The following CSTL1 variants were observed in gnomAD, a reference collection of about 807,000 sequenced individuals.
The protein encoded by CSTL1 is cystatin like 1, also known as cystatin-like 1.
Under a neutral mutation model 14.4 loss-of-function variants are expected in CSTL1, and 14 were observed. That is an observed-to-expected ratio of 0.97 (90% confidence interval 0.64 to 1.52). The LOEUF (loss-of-function observed/expected upper bound fraction) is 1.52, where lower values mean the gene tolerates loss of function less well. CSTL1 is among the 40% of genes most tolerant of loss of function. CSTL1 has a pLI of 0.00. For missense variants in CSTL1, 170 were observed against 168.7 expected (o/e 1.01, Z -0.04); for synonymous variants, 72 against 67.5 (o/e 1.07, Z -0.33).
intron 2 of CSTL1, among the ~76,000 whole-genome samples, chr20:23,441,063 CTT>C (rs1986821295): frequency 6.6e-6 from 1 of 152,176 alleles, no homozygotes; most frequent in Admixed American, 6.5e-5. Flanking sequence ...CCGGCCAGCT[CTT>C]TTTCCTTGGG....
the CSTL1 span, among the ~76,000 whole-genome samples, chr20:23,454,462 C>G: frequency 3.7e-4 from 56 of 152,272 alleles, 2 homozygotes; most frequent in East Asian, 0.01. Flanking sequence ...AGTACACACA[C>G]AGACATACAT....
chr20:23,448,719 C>T (rs1987014115), downstream of CSTL1, among the ~76,000 whole-genome samples: 1 of 152,208 alleles, frequency 6.6e-6, no homozygotes, highest in Non-Finnish European at 1.5e-5. Flanking sequence ...ATAGTAATGC[C>T]TGCCTTGGGG....
chr20:23,450,729 G>A, the CSTL1 span: 2 of 526,980 alleles, frequency 3.8e-6, no homozygotes, highest in South Asian at 3.2e-5. Flanking sequence ...ACAAACAGAA[G>A]GACATTTTCT....
chr20:23,454,398 A>C, the CSTL1 span, among the ~76,000 whole-genome samples: 1 of 151,904 alleles, frequency 6.6e-6, no homozygotes, highest in Non-Finnish European at 1.5e-5. Flanking sequence ...CAACACACAT[A>C]GACACACCCC....
rs1291622753 is a variant in CSTL1 at position 23,440,373 on chromosome 20, A to T, written c.106A>T (p.Met36Leu). ...GTGGGAGGGCTTCCAGCAGAAGCTCATGAGCAAGAAGAACATGAATTCAAC... is the reference window on the plus strand; with the variant it reads ...GTGGGAGGGCTTCCAGCAGAAGCTCTTGAGCAAGAAGAACATGAATTCAAC... ...QRWEGFQQKL[M>L]SKKNMNSTLN... The change falls in exon 2 of 4, where the codon ATG becomes TTG. Residue 36 changes from methionine to leucine, a missense_variant. Transcript: ENST00000347397. The T allele has an allele frequency of 2.5e-6, 4 of 1,614,120 alleles. No individual in the cohort carries two copies. In the African/African-American group the frequency reaches 5.3e-5, roughly 22 times the overall value.
chr20:23,457,279 G>T, the CSTL1 span, among the ~76,000 whole-genome samples: 2 of 152,132 alleles, frequency 1.3e-5, no homozygotes, highest in African/African-American at 4.8e-5. Context: ...GCTTGGGCGA[G>T]GGTCAGGTAG....
Position 23,444,821 on chromosome 20 carries a change from C to T in CSTL1, c.381C>T (p.Phe127=), listed in dbSNP as rs267605857. 6.2e-7 allele frequency: 1 copy of T among 1,614,088 alleles called. No homozygotes were observed. Among genetic ancestry groups the T allele is most frequent in the Middle Eastern group, 1.6e-4 (1 of 6,062 alleles). ...LIYTMPWINY[F]QLWNNSCLEA... ...ACACCATGCCCTGGATAAACTATTT[C>T]CAGCTCTGGAACAATTCCTGTCTGG... Residue 127 remains phenylalanine, a synonymous_variant, in exon 4 of 4, where the codon TTC becomes TTT. Transcript: ENST00000347397.
rs1167720930 is a variant in CSTL1, at chr20:23,440,033, T to G, written c.-124-111T>G. The G allele has an allele frequency of 5.5e-6, 3 of 541,444 alleles. No homozygotes were observed. In the East Asian group the frequency reaches 9.7e-5, roughly 17 times the overall value. 33.5% of individuals were successfully genotyped at this position (541,444 alleles called of 1,614,324 possible). On this transcript the variant is annotated intron_variant, in intron 1 of 3. Transcript: ENST00000347397. Reference sequence around the variant, plus strand: ...CACGCCTTAGCAGGTGTTTAAAAATTTTGCTTGCCTGGATCACCAAAGAAC... The same window carrying G: ...CACGCCTTAGCAGGTGTTTAAAAATGTTGCTTGCCTGGATCACCAAAGAAC...
chr20:23,450,657 A>T, the CSTL1 span: 1 of 1,208,364 alleles, frequency 8.3e-7, no homozygotes, highest in Non-Finnish European at 1.2e-6. Context: ...AAGGAAGAGG[A>T]TGTAAGACAC....
the CSTL1 span, among the ~76,000 whole-genome samples, chr20:23,454,588 C>T: frequency 2.0e-4 from 31 of 152,274 alleles, no homozygotes; most frequent in African/African-American, 7.2e-4. Flanking sequence ...CACCACAGAG[C>T]GAACACTGTG....
intron 2 of CSTL1, among the ~76,000 whole-genome samples, chr20:23,443,374 A>G (rs1452363282): frequency 6.6e-6 from 1 of 152,214 alleles, no homozygotes; most frequent in Non-Finnish European, 1.5e-5. Flanking sequence ...AGCAGGCACA[A>G]TTGTGGTTTG....
the CSTL1 span, among the ~76,000 whole-genome samples, chr20:23,450,848 C>A: frequency 6.6e-6 from 1 of 152,184 alleles, no homozygotes; most frequent in African/African-American, 2.4e-5. Flanking sequence ...ATGGGTACTG[C>A]TGATTCTTTT....
At chr20:23,447,532 G>C (rs564387549), downstream of CSTL1, among the ~76,000 whole-genome samples, 1 of 150,090 alleles carries the variant, frequency 6.7e-6, no homozygotes, top group Non-Finnish European at 1.5e-5. Context: ...GCAGTGGCAC[G>C]ATCTTGGCTC....
At chr20:23,448,135 C>T (rs1344649689), downstream of CSTL1, among the ~76,000 whole-genome samples, 1 of 152,220 alleles carries the variant, frequency 6.6e-6, no homozygotes, top group African/African-American at 2.4e-5. Context: ...GCACACCTCT[C>T]ACCTGAGCAG....
the CSTL1 span, chr20:23,452,655 C>T: frequency 2.4e-5 from 38 of 1,613,800 alleles, no homozygotes; most frequent in East Asian, 4.5e-5. Context: ...TTATACTGGT[C>T]GGTGATCCAC....
At chr20:23,440,755 T>A in intron 2 of CSTL1, 3 of 428,500 alleles carry the variant, frequency 7.0e-6, no homozygotes, top group Non-Finnish European at 1.3e-5. Flanking sequence ...AGGATTAAAC[T>A]CTTTTTTTTT....
the CSTL1 span, chr20:23,450,650 G>A: frequency 2.3e-6 from 3 of 1,317,516 alleles, no homozygotes; most frequent in Admixed American, 3.8e-5. Flanking sequence ...AAAGGAGAAG[G>A]AAGAGGATGT....
the CSTL1 span, among the ~76,000 whole-genome samples, chr20:23,453,725 G>A: frequency 6.6e-6 from 1 of 152,126 alleles, no homozygotes; most frequent in African/African-American, 2.4e-5. Flanking sequence ...TGGGAACCCG[G>A]GGAGGAGCCC....
the CSTL1 span, chr20:23,458,760 T>C: frequency 1.3e-5 from 2 of 152,174 alleles, no homozygotes; most frequent in East Asian, 3.9e-4. Context: ...GGGACTTTGG[T>C]TAAGATGGGT....
Sources: gnomAD v4.1 joint callset for allele counts (sites outside exome capture counted in the v4.1 genomes callset) on GRCh38, gnomAD v4.1.1 for gene constraint, MANE v1.5 for transcripts, NCBI Gene and HGNC (gene_info 2026-07-23, HGNC 2026-07-21) for gene names.